The following NUDCD3 variants were observed in gnomAD, a reference collection of about 807,000 sequenced individuals.
NUDCD3 encodes the protein NudC domain containing 3.
Under a neutral mutation model 39.7 loss-of-function variants are expected in NUDCD3, and 13 were observed. The observed-to-expected ratio is 0.33, with a 90% CI of 0.21 to 0.52. The LOEUF (loss-of-function observed/expected upper bound fraction) is 0.52. Ranked by LOEUF, NUDCD3 falls within the 20% of genes least tolerant of loss-of-function variation. NUDCD3 has a pLI of 0.96. For missense variants in NUDCD3, 453 were observed against 458.1 expected, an observed-to-expected ratio of 0.99 and a Z score of 0.10; for synonymous variants, 175 against 172.4, an observed-to-expected ratio of 1.02 and a Z score of -0.12.
intron 2 of NUDCD3, among the ~76,000 whole-genome samples, chr7:44,434,407 T>C (rs749568986): frequency 2.0e-4 from 30 of 152,196 alleles, no homozygotes; most frequent in Admixed American, 3.9e-4. Flanking sequence ...CCAGCCTTCC[T>C]GCAACTCTTG....
At chr7:44,422,757 G>C (rs1799165693) in intron 3 of NUDCD3, among the ~76,000 whole-genome samples, 1 of 151,790 alleles carries the variant, frequency 6.6e-6, no homozygotes, top group Non-Finnish European at 1.5e-5. Flanking sequence ...AACAATAGAA[G>C]AAGACAGACT....
chr7:44,470,257 A>C (rs548082292), intron 2 of NUDCD3, among the ~76,000 whole-genome samples: 1 of 152,322 alleles, frequency 6.6e-6, no homozygotes, highest in Admixed American at 6.5e-5. Context: ...CACTGACTCC[A>C]TACCACAGCA....
rs1224933496 is a variant in NUDCD3, at chr7:44,382,432, T to C, written c.*3579A>G. ...ATATTCATTTTTCGTCTCTCTGAGA[T>C]AGTGACCACACTGTCCTCACCAGGA... On this transcript the variant is annotated 3_prime_UTR_variant, in exon 6 of 6. Transcript: ENST00000355451. The C allele has an allele frequency of 6.6e-6, 1 of 152,254 alleles. No homozygotes were observed. The highest frequency in any genetic ancestry group is 1.5e-5 in the Non-Finnish European group (1 of 68,062). 9.4% of individuals were successfully genotyped at this position (152,254 alleles called of 1,614,324 possible).
intron 2 of NUDCD3, among the ~76,000 whole-genome samples, chr7:44,441,329 T>C (rs1799580476): frequency 6.6e-6 from 1 of 152,212 alleles, no homozygotes; most frequent in Admixed American, 6.5e-5. Context: ...ATTCTTAGAC[T>C]AAACTACTTT....
chr7:44,482,556 A>G (rs1238534318), intron 2 of NUDCD3, among the ~76,000 whole-genome samples: 4 of 152,246 alleles, frequency 2.6e-5, no homozygotes, highest in Non-Finnish European at 5.9e-5. Context: ...CATCTCTACA[A>G]TCAATTGATC....
chr7:44,434,488 G>A (rs773841157), intron 2 of NUDCD3, among the ~76,000 whole-genome samples: 9 of 152,114 alleles, frequency 5.9e-5, no homozygotes, highest in Non-Finnish European at 8.8e-5. Flanking sequence ...TCCCCTACCC[G>A]CCAGGCTCCT....
Position 44,432,175 on chromosome 7 carries a change from G to C in NUDCD3, c.510-4472C>G, listed in dbSNP as rs375579996. On this transcript the variant is annotated intron_variant, in intron 2 of 5. Coordinates refer to ENST00000355451, the MANE Select transcript of NUDCD3 (RefSeq NM_015332.4). ...CACACACCTGTAGTGCTGGCTACTC[G>C]GAGGGTTGAGGTGGGAGAATAGCTT... Among the ~76,000 whole-genome samples the C allele has an allele frequency of 1.7e-4, 26 of 152,248 alleles. No homozygotes were observed. In the East Asian group the frequency reaches 4.1e-3, roughly 24 times the overall value.
intron 4 of NUDCD3, among the ~76,000 whole-genome samples, chr7:44,395,146 A>C (rs1245506183): frequency 1.3e-5 from 2 of 152,246 alleles, no homozygotes; most frequent in Non-Finnish European, 2.9e-5. Flanking sequence ...AAAAATATTC[A>C]AGGTTTTCCA....
At chr7:44,470,096 A>G (rs1475937621) in intron 2 of NUDCD3, among the ~76,000 whole-genome samples, 1 of 152,256 alleles carries the variant, frequency 6.6e-6, no homozygotes, top group African/African-American at 2.4e-5. Flanking sequence ...GGTGAAGAGC[A>G]TATGTGAGAA....
intron 3 of NUDCD3, among the ~76,000 whole-genome samples, chr7:44,414,000 G>A (rs1433937451): frequency 4.6e-5 from 7 of 151,422 alleles, no homozygotes; most frequent in East Asian, 1.9e-4. Context: ...AGGCTGCAGC[G>A]GGCCATGATG....
intron 4 of NUDCD3, among the ~76,000 whole-genome samples, chr7:44,393,657 A>G (rs1340251798): frequency 6.6e-6 from 1 of 152,190 alleles, no homozygotes. Context: ...TTTACAATTG[A>G]AAGAGGTACA....
At chr7:44,415,396 C>T (rs1799001150) in intron 3 of NUDCD3, among the ~76,000 whole-genome samples, 1 of 152,130 alleles carries the variant, frequency 6.6e-6, no homozygotes, top group South Asian at 2.1e-4. Flanking sequence ...GAGCAAAGAA[C>T]ATGTGATGGA....
In NUDCD3 at chr7:44,427,618, G is replaced by C; in HGVS notation, c.595C>G (p.Leu199Val). The C allele has an allele frequency of 6.2e-7, 1 of 1,613,854 alleles. No homozygotes were observed. Among genetic ancestry groups the C allele is most frequent in the Non-Finnish European group, 8.5e-7 (1 of 1,179,860 alleles). The change falls in exon 3 of 6, where the codon CTG (leucine) becomes GTG (valine). Residue 199 changes from leucine (L) to valine (V), a missense_variant. Transcript: ENST00000355451. ...TTGGGTACTGGCACCCTGACCTCCAGGTCAGTATAGTCCTGTGACCAGGTG... is the reference window on the plus strand; with the variant it reads ...TTGGGTACTGGCACCCTGACCTCCACGTCAGTATAGTCCTGTGACCAGGTG... ...NYTWSQDYTDLEVRVPVPKHV... is the reference protein window; with the variant it reads ...NYTWSQDYTDVEVRVPVPKHV...
At chr7:44,438,317 C>T (rs1212184075) in intron 2 of NUDCD3, among the ~76,000 whole-genome samples, 1 of 152,140 alleles carries the variant, frequency 6.6e-6, no homozygotes, top group Non-Finnish European at 1.5e-5. Context: ...CAAAAGACTT[C>T]CCATGTGAGA....
At position 44,426,728 on chromosome 7, in the gene NUDCD3, G is replaced by A. The variant is rs532715672; in HGVS notation, c.642+843C>T. Among the ~76,000 whole-genome samples the A allele has an allele frequency of 3.2e-4, 48 of 150,946 alleles. No individual in the cohort carries two copies. The South Asian group carries it at 7.2e-3, about 23-fold the overall frequency. ...GGAGAATGGCGTGAACCCGGGAGGCGGAGCTTGCAGTGAGCTGAGATCCCG... is the reference window on the plus strand; with the variant it reads ...GGAGAATGGCGTGAACCCGGGAGGCAGAGCTTGCAGTGAGCTGAGATCCCG... On this transcript the variant is annotated intron_variant, in intron 3 of 5. Transcript: ENST00000355451.
chr7:44,461,109 T>C (rs756346042), intron 2 of NUDCD3, among the ~76,000 whole-genome samples: 11 of 152,196 alleles, frequency 7.2e-5, no homozygotes, highest in African/African-American at 2.7e-4. Flanking sequence ...ACAACTCAAA[T>C]GCTTTCTTCT....
chr7:44,410,656 T>C (rs1317540461), intron 3 of NUDCD3, among the ~76,000 whole-genome samples: 1 of 133,424 alleles, frequency 7.5e-6, no homozygotes, highest in Non-Finnish European at 1.6e-5. Flanking sequence ...AGAGCAAGAC[T>C]CTGTCTCAAA....
At chr7:44,487,993 C>A (rs1800648623) in intron 1 of NUDCD3, among the ~76,000 whole-genome samples, 1 of 151,420 alleles carries the variant, frequency 6.6e-6, no homozygotes, top group African/African-American at 2.4e-5. Flanking sequence ...AACAGGTTCC[C>A]AGGATTCACC....
chr7:44,483,863 C>A (rs1160417732), intron 2 of NUDCD3, among the ~76,000 whole-genome samples: 1 of 152,136 alleles, frequency 6.6e-6, no homozygotes, highest in Admixed American at 6.6e-5. Flanking sequence ...ACAAAATTAA[C>A]CAGATGTGGT....
Sources: allele counts gnomAD v4.1 joint callset (sites outside exome capture counted in the v4.1 genomes callset), GRCh38; gene constraint gnomAD v4.1.1; transcripts MANE v1.5; gene names NCBI Gene and HGNC (gene_info 2026-07-23, HGNC 2026-07-21).